The following MACROD2 variants were observed in gnomAD, a reference collection of about 807,000 sequenced individuals.
The protein encoded by MACROD2 is mono-ADP ribosylhydrolase 2.
MACROD2 carries 36 observed loss-of-function variants against 70.4 expected under a neutral mutation model. That is an observed-to-expected ratio of 0.51 (90% CI 0.39 to 0.68). The LOEUF is 0.68. Ranked by LOEUF, MACROD2 falls within the 30% of genes least tolerant of loss-of-function variation. The pLI, the probability that MACROD2 is intolerant of heterozygous loss-of-function variation, is 0.00. For synonymous variants in MACROD2, 172 were observed against 178.8 expected (o/e 0.96, Z 0.30); for missense variants, 496 against 538.4 (o/e 0.92, Z 0.78).
At chr20:14,993,206 A>G (rs2074920417) in intron 5 of MACROD2, among the ~76,000 whole-genome samples, 1 of 151,976 alleles carries the variant, frequency 6.6e-6, no homozygotes, top group South Asian at 2.1e-4. Context: ...GAACTTGTTT[A>G]CAGTGGGATT....
intron 5 of MACROD2, among the ~76,000 whole-genome samples, chr20:14,985,685 CTT>C (rs57486090): frequency 2.1e-4 from 24 of 115,302 alleles, no homozygotes; most frequent in East Asian, 5.3e-4. Flanking sequence ...TTCTCTTATT[CTT>C]TTTTTTTTTT....
intron 5 of MACROD2, among the ~76,000 whole-genome samples, chr20:15,221,480 A>G (rs183034744): frequency 1.8e-3 from 275 of 152,326 alleles, no homozygotes; most frequent in South Asian, 0.017. Context: ...GATGCCCCCA[A>G]TACCCTGTGG....
chr20:14,860,563 G>A (rs2073304648), intron 5 of MACROD2, among the ~76,000 whole-genome samples: 1 of 152,106 alleles, frequency 6.6e-6, no homozygotes. Context: ...CCGGGTCTCT[G>A]TTTGCCTAAT....
At chr20:14,316,958 C>A (rs549756681) in intron 3 of MACROD2, among the ~76,000 whole-genome samples, 24 of 152,226 alleles carry the variant, frequency 1.6e-4, no homozygotes, top group African/African-American at 5.5e-4. Context: ...TTCCTCCCTG[C>A]CCTCTTAAAA....
chr20:15,166,938 TTA>T (rs1330485923), intron 5 of MACROD2, among the ~76,000 whole-genome samples: 5 of 128,186 alleles, frequency 3.9e-5, no homozygotes, highest in Non-Finnish European at 5.4e-5. Context: ...ATTTAAGTAT[TTA>T]ATTTAAGTAT....
chr20:14,780,397 T>A (rs2072285291), intron 5 of MACROD2, among the ~76,000 whole-genome samples: 1 of 151,768 alleles, frequency 6.6e-6, no homozygotes, highest in Non-Finnish European at 1.5e-5. Flanking sequence ...ACGCCATCTC[T>A]ACAAAAAATA....
At chr20:14,281,561 T>C (rs911754141) in intron 3 of MACROD2, among the ~76,000 whole-genome samples, 1 of 152,206 alleles carries the variant, frequency 6.6e-6, no homozygotes, top group Non-Finnish European at 1.5e-5. Flanking sequence ...ACTTTATTTT[T>C]TTAAAGGTCA....
intron 5 of MACROD2, among the ~76,000 whole-genome samples, chr20:14,899,271 C>T (rs894948079): frequency 2.0e-5 from 3 of 152,198 alleles, no homozygotes; most frequent in Non-Finnish European, 4.4e-5. Context: ...AAATATTTAC[C>T]GAAGACTTCT....
At chr20:14,936,432 C>G (rs756522396) in intron 5 of MACROD2, among the ~76,000 whole-genome samples, 4 of 152,124 alleles carry the variant, frequency 2.6e-5, no homozygotes, top group Non-Finnish European at 5.9e-5. Flanking sequence ...CTTCAAATAC[C>G]TGCTGAAAAT....
At chr20:15,825,429 C>A (rs2063986335) in intron 8 of MACROD2, among the ~76,000 whole-genome samples, 3 of 152,230 alleles carry the variant, frequency 2.0e-5, no homozygotes, top group African/African-American at 4.8e-5. Context: ...TACATTGAGA[C>A]CCATTGAGAC....
chr20:14,327,403 C>T, intron 3 of MACROD2: 1 of 1,613,642 alleles, frequency 6.2e-7, no homozygotes, highest in Non-Finnish European at 8.5e-7. Context: ...ATCGCAGCGA[C>T]ACACAGATGG....
chr20:14,379,330 T>C (rs2083400883), intron 3 of MACROD2, among the ~76,000 whole-genome samples: 1 of 152,212 alleles, frequency 6.6e-6, no homozygotes, highest in Admixed American at 6.5e-5. Flanking sequence ...TATGACTTTT[T>C]TGTTGACATA....
At chr20:15,683,060 G>A (rs531417508) in intron 8 of MACROD2, among the ~76,000 whole-genome samples, 5 of 152,168 alleles carry the variant, frequency 3.3e-5, no homozygotes, top group South Asian at 2.1e-4. Context: ...AACAATTTTC[G>A]CCAAATATTT....
chr20:15,140,098 A>G (rs11087123), intron 5 of MACROD2, among the ~76,000 whole-genome samples: 39,578 of 152,150 alleles, frequency 0.26, 5,381 homozygotes, highest in Middle Eastern at 0.44. Context: ...CACGTTTGCA[A>G]GAAATGTAGC....
intron 7 of MACROD2, among the ~76,000 whole-genome samples, chr20:15,482,588 G>A (rs73897620): frequency 0.022 from 3,362 of 152,288 alleles, 127 homozygotes; most frequent in African/African-American, 0.075. Context: ...ATACCAAGGT[G>A]TGAGATTGCT....
chr20:14,230,089 A>G (rs1214580631), intron 3 of MACROD2, among the ~76,000 whole-genome samples: 2 of 152,158 alleles, frequency 1.3e-5, no homozygotes, highest in African/African-American at 4.8e-5. Flanking sequence ...GTCTTCAGTG[A>G]GTTACAGTCT....
intron 15 of MACROD2, among the ~76,000 whole-genome samples, chr20:16,007,850 A>G (rs973490197): frequency 3.9e-5 from 6 of 152,080 alleles, no homozygotes; most frequent in Non-Finnish European, 8.8e-5. Context: ...GTATGTACCT[A>G]ATTGTAACTT....
chr20:16,011,163 T>C (rs550470424), intron 15 of MACROD2, among the ~76,000 whole-genome samples: 19 of 152,152 alleles, frequency 1.2e-4, no homozygotes, highest in African/African-American at 4.6e-4. Flanking sequence ...TCTAATCGAG[T>C]TTCTGGCAGT....
intron 5 of MACROD2, among the ~76,000 whole-genome samples, chr20:14,712,305 G>A (rs1322945615): frequency 6.6e-6 from 1 of 152,100 alleles, no homozygotes; most frequent in Non-Finnish European, 1.5e-5. Flanking sequence ...AATAAATTAA[G>A]GCAGAAAGCA....
Sources: allele counts gnomAD v4.1 joint callset (sites outside exome capture counted in the v4.1 genomes callset), GRCh38; gene constraint gnomAD v4.1.1; transcripts MANE v1.5; gene names NCBI Gene and HGNC (gene_info 2026-07-23, HGNC 2026-07-21).